ZFP1: variants seen among roughly 807,000 people sequenced by gnomAD.
The protein encoded by ZFP1 is ZFP1 zinc finger protein, also known as zinc finger protein 1 homolog.
A neutral mutation model predicts 38.5 loss-of-function variants in ZFP1; 32 were observed. The observed-to-expected ratio is 0.83, with a 90% confidence interval of 0.63 to 1.12. ZFP1 has a LOEUF of 1.12. Among genes scored for constraint, ZFP1 ranks in the 50% most tolerant of loss-of-function variants. ZFP1 has a pLI of 0.00. For missense variants in ZFP1, 616 were observed against 480.8 expected, an observed-to-expected ratio of 1.28 and a Z score of -2.63; for synonymous variants, 245 against 168.8, an observed-to-expected ratio of 1.45 and a Z score of -3.50.
Position 75,169,907 on chromosome 16 carries a change from A to T in ZFP1, c.797A>T (p.Lys266Met). The change falls in exon 4 of 4, where the codon AAG becomes ATG. Residue 266 changes from lysine (K) to methionine (M), a missense_variant. By Grantham distance (95) the Lys-to-Met change is moderately conservative (BLOSUM62 -1). Coordinates refer to ENST00000570010, the MANE Select transcript of ZFP1 (RefSeq NM_153688.4). ...CACCAGAGAGCACATATGGAGAAGAAGCCCTATGAGTGCAGTGAATGTGGA... is the reference window on the plus strand; with the variant it reads ...CACCAGAGAGCACATATGGAGAAGATGCCCTATGAGTGCAGTGAATGTGGA... ...IVHQRAHMEK[K>M]PYECSECGKT... The T allele has an allele frequency of 1.2e-6, 2 of 1,614,216 alleles. No homozygotes were observed. Among genetic ancestry groups the T allele is most frequent in the Non-Finnish European group, 1.7e-6 (2 of 1,180,034 alleles).
chr16:75,163,471 C>T (rs572750964), intron 2 of ZFP1, among the ~76,000 whole-genome samples: 75 of 151,858 alleles, frequency 4.9e-4, no homozygotes, highest in Non-Finnish European at 9.4e-4. Context: ...ACCACCATGC[C>T]CGGCTAATTT....
chr16:75,168,566 A>C (rs796414630), intron 3 of ZFP1, among the ~76,000 whole-genome samples: 6 of 152,204 alleles, frequency 3.9e-5, no homozygotes, highest in African/African-American at 1.4e-4. Flanking sequence ...AAGCAATAAA[A>C]CCAGCAGCAG....
intron 2 of ZFP1, among the ~76,000 whole-genome samples, chr16:75,158,292 T>C (rs2037569188): frequency 1.3e-5 from 2 of 152,076 alleles, no homozygotes; most frequent in South Asian, 2.1e-4. Context: ...TGAACACAGC[T>C]CACTGCAGCC....
chr16:75,161,445 A>G (rs2037771855), intron 2 of ZFP1, among the ~76,000 whole-genome samples: 1 of 151,568 alleles, frequency 6.6e-6, no homozygotes, highest in African/African-American at 2.4e-5. Context: ...GGCTCTCCTC[A>G]TAGATGCCTT....
At chr16:75,135,171 C>T in the ZFP1 span, among the ~76,000 whole-genome samples, 2 of 138,042 alleles carry the variant, frequency 1.4e-5, no homozygotes, top group Non-Finnish European at 3.0e-5. Flanking sequence ...GATCACAACA[C>T]TGCACTCCAG....
At chr16:75,130,339 C>T in the ZFP1 span, among the ~76,000 whole-genome samples, 1 of 152,120 alleles carries the variant, frequency 6.6e-6, no homozygotes, top group Admixed American at 6.6e-5. Flanking sequence ...TTCTGGGGGT[C>T]TTGCAGCCCT....
At chr16:75,161,909 C>G (rs1038523336) in intron 2 of ZFP1, among the ~76,000 whole-genome samples, 18 of 148,250 alleles carry the variant, frequency 1.2e-4, no homozygotes, top group Non-Finnish European at 9.0e-5. Context: ...CTCAGCCTCC[C>G]AGGTAGCTGG....
chr16:75,149,557 C>CTTTTTTTTTTTTT (rs34371791), intron 1 of ZFP1, among the ~76,000 whole-genome samples: 7 of 101,766 alleles, frequency 6.9e-5, no homozygotes, highest in Admixed American at 2.5e-4. Flanking sequence ...TCTTTACTTT[C>CTTTTTTTTTTTTT]TTTTTTTTTT....
At chr16:75,119,009 C>T in the ZFP1 span, among the ~76,000 whole-genome samples, 1 of 152,166 alleles carries the variant, frequency 6.6e-6, no homozygotes, top group Non-Finnish European at 1.5e-5. Context: ...CTTTCCAGAC[C>T]CAAACAATGT....
At chr16:75,161,770 A>ATT in intron 2 of ZFP1, among the ~76,000 whole-genome samples, 2 of 8,144 alleles carry the variant, frequency 2.5e-4, no homozygotes, top group African/African-American at 4.1e-4. Context: ...ATATATATAT[A>ATT]TATATTTTTT....
the ZFP1 span, among the ~76,000 whole-genome samples, chr16:75,128,559 C>T: frequency 1.1e-4 from 16 of 152,282 alleles, 2 homozygotes; most frequent in South Asian, 6.2e-4. Context: ...TTTTTCAATT[C>T]TTATTATTAT....
the ZFP1 span, among the ~76,000 whole-genome samples, chr16:75,131,069 C>T: frequency 6.6e-6 from 1 of 152,156 alleles, no homozygotes; most frequent in East Asian, 1.9e-4. Context: ...TCCTTTCTGT[C>T]CCTGTGGGCC....
chr16:75,160,214 G>A (rs1305594956), intron 2 of ZFP1, among the ~76,000 whole-genome samples: 1 of 152,140 alleles, frequency 6.6e-6, no homozygotes, highest in African/African-American at 2.4e-5. Flanking sequence ...GAATACTTGA[G>A]ACTAGGTAAT....
chr16:75,152,624 A>C (rs1268030613), intron 1 of ZFP1, among the ~76,000 whole-genome samples: 3 of 152,158 alleles, frequency 2.0e-5, no homozygotes, highest in African/African-American at 7.2e-5. Context: ...AGTTGTGTTA[A>C]ATGCCCTGTC....
At chr16:75,139,390 A>C in the ZFP1 span, among the ~76,000 whole-genome samples, 8 of 131,362 alleles carry the variant, frequency 6.1e-5, no homozygotes, top group African/African-American at 2.6e-4. Context: ...AAAAAAAAAA[A>C]AAAAAACACC....
the ZFP1 span, among the ~76,000 whole-genome samples, chr16:75,139,146 G>C: frequency 1.3e-5 from 2 of 152,044 alleles, no homozygotes; most frequent in South Asian, 2.1e-4. Context: ...GAGGTGGGCG[G>C]ATCACGAGGT....
the ZFP1 span, among the ~76,000 whole-genome samples, chr16:75,140,420 T>A: frequency 6.6e-6 from 1 of 151,724 alleles, no homozygotes; most frequent in African/African-American, 2.4e-5. Flanking sequence ...AGAAAAAAAA[T>A]TGAAAAACAA....
chr16:75,147,403 G>A (rs538751779), upstream of ZFP1, among the ~76,000 whole-genome samples: 705 of 151,720 alleles, frequency 4.6e-3, 8 homozygotes, highest in African/African-American at 0.016. Flanking sequence ...TCAGCCTCCC[G>A]AGTAGCTGGG....
chr16:75,131,122 C>T, the ZFP1 span, among the ~76,000 whole-genome samples: 7 of 152,164 alleles, frequency 4.6e-5, no homozygotes, highest in Admixed American at 6.5e-5. Flanking sequence ...GCTGTGCCCT[C>T]GGTCTGGCAT....
Sources: allele counts gnomAD v4.1 joint callset (sites outside exome capture counted in the v4.1 genomes callset), GRCh38; gene constraint gnomAD v4.1.1; transcripts MANE v1.5; gene names NCBI Gene and HGNC (gene_info 2026-07-23, HGNC 2026-07-21).